Variants in LRRC31 observed in about 807,000 individuals in gnomAD.
The protein encoded by LRRC31 is leucine rich repeat containing 31, also known as leucine-rich repeat-containing protein 31.
In LRRC31, 35 loss-of-function variants were observed where a neutral mutation model predicts 46.7. The observed-to-expected ratio is 0.75, with a 90% CI of 0.57 to 0.99. The LOEUF is 0.99. Among genes scored for constraint, LRRC31 ranks in the 50% least tolerant of loss-of-function variants. The pLI is 0.00. For synonymous variants in LRRC31, 236 were observed against 235.1 expected, an observed-to-expected ratio of 1.00 and a Z score of -0.03; for missense variants, 613 against 626.1, an observed-to-expected ratio of 0.98 and a Z score of 0.22.
chr3:169,865,175 C>T (rs914993661), intron 1 of LRRC31, among the ~76,000 whole-genome samples: 1 of 151,446 alleles, frequency 6.6e-6, no homozygotes, highest in East Asian at 1.9e-4. Context: ...CTCTTGAACC[C>T]GGGAGGTGGA....
chr3:169,860,859 C>CT, intron 2 of LRRC31, 131 bp from the exon 3 acceptor site: 2 of 885,990 alleles, frequency 2.3e-6, no homozygotes, highest in South Asian at 3.5e-5. Context: ...GGCACGCTGA[C>CT]TTTGGGCAAA....
chr3:169,856,737 C>T lies in LRRC31; in HGVS notation c.623G>A (p.Cys208Tyr), dbSNP rs369467412. ...TGTCCCATCTTCTGACGTGAGGGAG[C>T]AATCCACAAGCTCAATCATTTGTAT... The part of the protein sequence containing the change: ...SKIQMIELVD[C>Y]SLTSEDGTFL... Residue 208 changes from cysteine to tyrosine, a missense_variant, in exon 4 of 9, where the codon TGC becomes TAC. Physicochemically the swap from Cys to Tyr is radical, Grantham distance 194. Coordinates refer to ENST00000316428, the MANE Select transcript of LRRC31 (RefSeq NM_024727.4). 1.3e-6 allele frequency: 2 copies of T among 1,597,114 alleles called. No homozygotes were observed. The highest frequency in any genetic ancestry group is 2.3e-5 in the East Asian group (1 of 44,160).
At position 169,839,816 on chromosome 3, in the gene LRRC31, A is replaced by T. The variant is rs1218290462; in HGVS notation, c.*166T>A. 4.6e-6 allele frequency: 1 copy of T among 217,492 alleles called. No individual in the cohort carries two copies. Among genetic ancestry groups the T allele is most frequent in the East Asian group, 9.9e-5 (1 of 10,056 alleles). The allele number at this position is 217,492 out of a possible 1,614,324, so 13.5% of individuals were successfully genotyped here. On this transcript the variant is annotated 3_prime_UTR_variant, in exon 9 of 9. Coordinates refer to ENST00000316428, the MANE Select transcript of LRRC31 (RefSeq NM_024727.4). ...ATATTATATATATGTGTATATATGTATATTACATATATATATGTAATATAT... is the reference window on the plus strand; with the variant it reads ...ATATTATATATATGTGTATATATGTTTATTACATATATATATGTAATATAT...
In LRRC31 at chr3:169,839,997, A is replaced by G. The variant is rs1298810593; in HGVS notation, c.1644T>C (p.His548=). 1.9e-6 allele frequency: 3 copies of G among 1,611,746 alleles called. No individual in the cohort carries two copies. Among genetic ancestry groups the G allele is most frequent in the African/African-American group, 1.3e-5 (1 of 74,836 alleles). Residue 548 remains histidine (H), a synonymous_variant, in exon 9 of 9, where the codon CAT becomes CAC. Transcript: ENST00000316428. ...QDKKRSIHFD[H]GGFQ ...GGAAATCAGTTTACTGAAACCCACC[A>G]TGGTCAAAGTGAATGCTTCTTTTTT...
In LRRC31 at chr3:169,851,676, A is replaced by G. The variant is rs1780773926; in HGVS notation, c.1102T>C (p.Leu368=). 1.9e-6 allele frequency: 3 copies of G among 1,614,230 alleles called. No homozygotes were observed. Among genetic ancestry groups the G allele is most frequent in the East Asian group, 2.2e-5 (1 of 44,882 alleles). ...LLSRLRFLPA[L]KSLVINNCAL... ...CAGTTGTTGATAACTAATGACTTCAATGCTGGTAAAAATCGGAGCCTGCTG... is the reference window on the plus strand; with the variant it reads ...CAGTTGTTGATAACTAATGACTTCAGTGCTGGTAAAAATCGGAGCCTGCTG... Residue 368 remains leucine (L), a synonymous_variant, in exon 7 of 9, where the codon TTG becomes CTG. Coordinates refer to ENST00000316428, the MANE Select transcript of LRRC31 (RefSeq NM_024727.4).
chr3:169,861,580 G>C, intron 2 of LRRC31, 90 bp downstream of exon 2: 1 of 1,368,874 alleles, frequency 7.3e-7, no homozygotes. Flanking sequence ...CAGACTTGGG[G>C]TTACTAGGTG....
chr3:169,863,642 G>A (rs1781240012), intron 1 of LRRC31, among the ~76,000 whole-genome samples: 1 of 152,138 alleles, frequency 6.6e-6, no homozygotes, highest in African/African-American at 2.4e-5. Flanking sequence ...TTTCACTCTC[G>A]CCTTCCGTTT....
Position 169,861,829 on chromosome 3 carries a change from A to G in LRRC31, c.176-16T>C. On this transcript the variant is annotated splice_polypyrimidine_tract_variant and intron_variant, in intron 1 of 8. Coordinates refer to ENST00000316428, the MANE Select transcript of LRRC31 (RefSeq NM_024727.4). ...AGAGGCTTAGCTGTGTGATAAGCAT[A>G]AAAAAGAATTTGCTGTTAATGATGG... is the stretch of plus-strand genomic sequence containing the variant. 6.2e-7 allele frequency: 1 copy of G among 1,609,624 alleles called. No homozygotes were observed. The highest frequency in any genetic ancestry group is 1.7e-4 in the Middle Eastern group (1 of 6,054).
rs1199687752 is a variant in LRRC31, at chr3:169,848,222, C to T, written c.1225G>A (p.Gly409Ser). ...GTTTCCAGAAGCAGCTTCAAGTTGC[C>T]ACCAACACACTTGTTCCAAGAAAGG... ...FNLSWNKCVG[G>S]NLKLLLETLK... is the part of the protein sequence containing the mutation. The change falls in exon 8 of 9, where the codon GGC becomes AGC. Residue 409 changes from glycine to serine, a missense_variant. Physicochemically the swap from Gly to Ser is moderately conservative, Grantham distance 56. Coordinates refer to ENST00000316428, the MANE Select transcript of LRRC31 (RefSeq NM_024727.4). 3.7e-6 allele frequency: 6 copies of T among 1,614,062 alleles called. No homozygotes were observed. The highest frequency in any genetic ancestry group is 5.1e-6 in the Non-Finnish European group (6 of 1,180,030).
intron 8 of LRRC31, among the ~76,000 whole-genome samples, chr3:169,842,000 G>A (rs1196847195): frequency 3.3e-5 from 5 of 152,010 alleles, no homozygotes; most frequent in Non-Finnish European, 7.4e-5. Context: ...AACCAAGATC[G>A]TGCCACTGCA....
chr3:169,861,473 T>A (rs552696732), intron 2 of LRRC31, among the ~76,000 whole-genome samples, 197 bp downstream of exon 2: 1 of 149,990 alleles, frequency 6.7e-6, no homozygotes, highest in Non-Finnish European at 1.5e-5. Flanking sequence ...TGAGCTGAGA[T>A]GCGTCACTGC....
At chr3:169,843,067 C>T (rs1202647739) in intron 8 of LRRC31, among the ~76,000 whole-genome samples, 1 of 152,182 alleles carries the variant, frequency 6.6e-6, no homozygotes, top group African/African-American at 2.4e-5. Context: ...GCACACCTGA[C>T]TTTAAGAAAG....
At chr3:169,865,851 C>T (rs1454993041) in intron 1 of LRRC31, among the ~76,000 whole-genome samples, 1 of 151,668 alleles carries the variant, frequency 6.6e-6, no homozygotes, top group African/African-American at 2.4e-5. Flanking sequence ...AGGGATAAGT[C>T]GGGGGGTTGC....
Position 169,854,388 on chromosome 3 carries a change from G to A in LRRC31, c.991+425C>T, listed in dbSNP as rs373384403. On this transcript the variant is annotated intron_variant, in intron 6 of 8. Transcript: ENST00000316428. ...CAAAGCAGTAACGTACAGCCATCAC[G>A]CGCCACCCTGCTGACTCTTTTTCTG... 3.9e-5 allele frequency among the ~76,000 whole-genome samples: 6 copies of A among 152,262 alleles called. No homozygotes were observed. The East Asian group carries it at 7.7e-4, about 20-fold the overall frequency.
At chr3:169,847,540 T>C (rs1780642616) in intron 8 of LRRC31, among the ~76,000 whole-genome samples, 1 of 152,224 alleles carries the variant, frequency 6.6e-6, no homozygotes, top group Non-Finnish European at 1.5e-5. Flanking sequence ...GTGCAAAAGT[T>C]ATTCCTTATT....
At chr3:169,855,343 CTG>C (rs1031018656) in intron 5 of LRRC31, among the ~76,000 whole-genome samples, 2 of 152,160 alleles carry the variant, frequency 1.3e-5, no homozygotes, top group Non-Finnish European at 2.9e-5. Flanking sequence ...AGGGAACACA[CTG>C]TGTTCACAAA....
At chr3:169,853,159 G>A in intron 6 of LRRC31, 1 of 942,584 alleles carries the variant, frequency 1.1e-6, no homozygotes, top group African/African-American at 1.8e-5. Context: ...AGCTCCCTGA[G>A]AGTTGGGATT....
At chr3:169,865,930 G>T (rs1192170176) in intron 1 of LRRC31, among the ~76,000 whole-genome samples, 1 of 152,166 alleles carries the variant, frequency 6.6e-6, no homozygotes, top group Non-Finnish European at 1.5e-5. Flanking sequence ...GATGGGAGAA[G>T]AATGTGGCCA....
intron 7 of LRRC31, 23 bp from the exon 8 acceptor site, chr3:169,848,310 C>T: frequency 1.2e-6 from 2 of 1,606,050 alleles, no homozygotes; most frequent in Non-Finnish European, 1.7e-6. Context: ...ACAATACGAA[C>T]AGCAGTAATT....
Sources: gnomAD v4.1 joint callset for allele counts (sites outside exome capture counted in the v4.1 genomes callset) on GRCh38, gnomAD v4.1.1 for gene constraint, MANE v1.5 for transcripts, NCBI Gene and HGNC (gene_info 2026-07-23, HGNC 2026-07-21) for gene names.